VKORC1L1: variants seen among roughly 807,000 people sequenced by gnomAD.
The protein encoded by VKORC1L1 is vitamin K epoxide reductase complex subunit 1L1.
Under a neutral mutation model 18.9 loss-of-function variants are expected in VKORC1L1, and 2 were observed. The ratio of observed to expected loss-of-function variants is 0.11; its 90% CI spans 0.04 to 0.33. The LOEUF (loss-of-function observed/expected upper bound fraction) is 0.33. Ranked by LOEUF, VKORC1L1 falls within the 10% of genes least tolerant of loss-of-function variation. The probability of loss-of-function intolerance (pLI) is 1.00; values close to 1 mark genes in which losing one functional copy is unlikely to be tolerated. For synonymous variants in VKORC1L1, 96 were observed against 100.0 expected, an observed-to-expected ratio of 0.96 and a Z score of 0.24; for missense variants, 123 against 224.1, an observed-to-expected ratio of 0.55 and a Z score of 2.88.
At chr7:65,879,120 G>C (rs1355323762) in intron 1 of VKORC1L1, among the ~76,000 whole-genome samples, 1 of 151,958 alleles carries the variant, frequency 6.6e-6, no homozygotes, top group Non-Finnish European at 1.5e-5. Flanking sequence ...TTTTAACATG[G>C]AAGTATCACG....
At chr7:65,879,259 T>C (rs1430057506) in intron 1 of VKORC1L1, among the ~76,000 whole-genome samples, 1 of 152,162 alleles carries the variant, frequency 6.6e-6, no homozygotes, top group Non-Finnish European at 1.5e-5. Context: ...TTTGTTCTAG[T>C]AGTTTTGACT....
At chr7:65,919,597 A>G (rs1009903333) in intron 1 of VKORC1L1, among the ~76,000 whole-genome samples, 3 of 152,136 alleles carry the variant, frequency 2.0e-5, no homozygotes, top group Admixed American at 2.0e-4. Flanking sequence ...TACCTTCAAA[A>G]TATATCCTGG....
intron 1 of VKORC1L1, among the ~76,000 whole-genome samples, chr7:65,904,364 C>T (rs998548148): frequency 6.6e-6 from 1 of 152,008 alleles, no homozygotes; most frequent in Non-Finnish European, 1.5e-5. Context: ...GCCTCCACAC[C>T]CAGCTAATTT....
At position 65,959,408 on chromosome 7, in the gene VKORC1L1, A is replaced by ACTT. The variant is rs1327282439; in HGVS notation, c.*5109_*5111dup. The ACTT allele has an allele frequency of 6.6e-6, 1 of 152,226 alleles. No homozygotes were observed. The highest frequency in any genetic ancestry group is 1.9e-4 in the East Asian group (1 of 5,202). 9.4% of individuals were successfully genotyped at this position (152,226 alleles called of 1,614,324 possible). A position where few individuals can be genotyped will look rare whatever the true frequency, so the allele number is the denominator to read the frequency against. Reference sequence around the variant, plus strand: ...GTCAACTAAAAGTTTTATTCATTATACTTTGACATACTGGAACACAAAACT... The same window carrying ACTT: ...GTCAACTAAAAGTTTTATTCATTATACTTCTTTGACATACTGGAACACAAAACT... On this transcript the variant is annotated 3_prime_UTR_variant, in exon 3 of 3. Transcript: ENST00000360768.
chr7:65,906,380 A>T (rs955196714), intron 1 of VKORC1L1, among the ~76,000 whole-genome samples: 1 of 152,250 alleles, frequency 6.6e-6, no homozygotes, highest in East Asian at 1.9e-4. Flanking sequence ...CAAAAAGAAA[A>T]AAAAAAGGAG....
intron 1 of VKORC1L1, among the ~76,000 whole-genome samples, chr7:65,947,316 G>T (rs538480144): frequency 1.3e-5 from 2 of 151,740 alleles, no homozygotes; most frequent in South Asian, 2.1e-4. Flanking sequence ...GGCCTGTGAA[G>T]AATTACTTAT....
upstream of VKORC1L1, among the ~76,000 whole-genome samples, chr7:65,872,888 T>G (rs1788744060): frequency 6.6e-6 from 1 of 152,036 alleles, no homozygotes. Flanking sequence ...AGTGGCATCC[T>G]TGCAATGTGC....
At chr7:65,879,428 C>G (rs1020306765) in intron 1 of VKORC1L1, among the ~76,000 whole-genome samples, 19 of 152,178 alleles carry the variant, frequency 1.2e-4, no homozygotes, top group African/African-American at 4.1e-4. Context: ...TTAATACTTA[C>G]AGATAATGCT....
intron 1 of VKORC1L1, among the ~76,000 whole-genome samples, chr7:65,881,308 T>G (rs1788923865): frequency 6.6e-6 from 1 of 152,250 alleles, no homozygotes; most frequent in Non-Finnish European, 1.5e-5. Flanking sequence ...AATCTCATGC[T>G]AAATTTTAAT....
chr7:65,873,000 T>A (rs950929938), upstream of VKORC1L1, among the ~76,000 whole-genome samples: 22 of 9,546 alleles, frequency 2.3e-3, no homozygotes, highest in Admixed American at 0.01. Context: ...TCCCCACCCC[T>A]GCCCCACCCC....
At chr7:65,871,700 C>T (rs1788728584), upstream of VKORC1L1, among the ~76,000 whole-genome samples, 1 of 152,186 alleles carries the variant, frequency 6.6e-6, no homozygotes, top group Non-Finnish European at 1.5e-5. Context: ...CTCCAGCCAA[C>T]AGCCAGAGAG....
chr7:65,875,256 A>C (rs1352986187), intron 1 of VKORC1L1, among the ~76,000 whole-genome samples: 5 of 152,242 alleles, frequency 3.3e-5, no homozygotes, highest in Non-Finnish European at 7.3e-5. Flanking sequence ...ATGAATTTAC[A>C]AATCAACTTG....
intron 1 of VKORC1L1, among the ~76,000 whole-genome samples, chr7:65,916,963 G>A (rs1789599281): frequency 6.6e-6 from 1 of 151,918 alleles, no homozygotes; most frequent in Non-Finnish European, 1.5e-5. Context: ...TCAAATTCAG[G>A]ACTTCAGAGT....
chr7:65,949,819 A>T (rs1451179695), intron 2 of VKORC1L1, among the ~76,000 whole-genome samples: 6 of 152,198 alleles, frequency 3.9e-5, no homozygotes, highest in Non-Finnish European at 7.3e-5. Flanking sequence ...GTGTTTCAAC[A>T]TAGTGTCGTT....
intron 1 of VKORC1L1, among the ~76,000 whole-genome samples, chr7:65,887,702 C>T (rs1789039201): frequency 6.6e-6 from 1 of 152,168 alleles, no homozygotes; most frequent in South Asian, 2.1e-4. Context: ...ATACCTTGCT[C>T]CTCCTTCAAA....
intron 1 of VKORC1L1, among the ~76,000 whole-genome samples, chr7:65,923,616 A>C (rs1323937654): frequency 6.6e-6 from 1 of 152,166 alleles, no homozygotes; most frequent in Non-Finnish European, 1.5e-5. Flanking sequence ...GGGAAAGAGA[A>C]GCAAACTCCT....
intron 1 of VKORC1L1, among the ~76,000 whole-genome samples, chr7:65,913,541 TGTG>T (rs1181164397): frequency 6.6e-6 from 1 of 151,390 alleles, no homozygotes; most frequent in Non-Finnish European, 1.5e-5. Flanking sequence ...GCCTGGCCAA[TGTG>T]GTGAAACCCC....
intron 1 of VKORC1L1, among the ~76,000 whole-genome samples, chr7:65,903,545 T>A (rs982529279): frequency 2.6e-5 from 4 of 151,900 alleles, no homozygotes; most frequent in Non-Finnish European, 4.4e-5. Context: ...TCCCAGCACT[T>A]GGGGAGGCAA....
At chr7:65,875,150 T>G (rs766155786) in intron 1 of VKORC1L1, among the ~76,000 whole-genome samples, 1 of 152,184 alleles carries the variant, frequency 6.6e-6, no homozygotes, top group Non-Finnish European at 1.5e-5. Flanking sequence ...TTATTTGCCA[T>G]GTATACAGTG....
Sources: gnomAD v4.1 joint callset for allele counts (sites outside exome capture counted in the v4.1 genomes callset) on GRCh38, gnomAD v4.1.1 for gene constraint, MANE v1.5 for transcripts, NCBI Gene and HGNC (gene_info 2026-07-23, HGNC 2026-07-21) for gene names.